Variants in CWC27 observed in about 807,000 individuals in gnomAD.
CWC27 encodes CWC27 spliceosome associated cyclophilin, also known as spliceosome-associated protein CWC27 homolog.
CWC27 carries 47 observed loss-of-function variants against 63.6 expected under a neutral mutation model. The observed-to-expected ratio is 0.74, with a 90% CI of 0.58 to 0.94. The LOEUF is 0.94. Ranked by LOEUF, CWC27 falls within the 40% of genes least tolerant of loss-of-function variation. The probability of loss-of-function intolerance (pLI) is 0.00; values close to 1 mark genes in which losing one functional copy is unlikely to be tolerated. For synonymous variants in CWC27, 175 were observed against 179.8 expected, an observed-to-expected ratio of 0.97 and a Z score of 0.22; for missense variants, 495 against 554.3, an observed-to-expected ratio of 0.89 and a Z score of 1.07.
chr5:64,893,583 C>CA (rs1747294758), intron 11 of CWC27, among the ~76,000 whole-genome samples: 1 of 129,088 alleles, frequency 7.7e-6, no homozygotes. Context: ...ACACAAAACT[C>CA]AGATAATCCC....
At chr5:64,961,975 T>C (rs1235109077) in intron 11 of CWC27, among the ~76,000 whole-genome samples, 1 of 152,236 alleles carries the variant, frequency 6.6e-6, no homozygotes, top group African/African-American at 2.4e-5. Flanking sequence ...GTCATTATAA[T>C]GCATCATTAT....
chr5:64,792,515 T>C (rs1744120099), intron 7 of CWC27, among the ~76,000 whole-genome samples: 1 of 152,188 alleles, frequency 6.6e-6, no homozygotes, highest in Admixed American at 6.6e-5. Flanking sequence ...TTTCTAAATG[T>C]CTTTTCCAGC....
intron 11 of CWC27, among the ~76,000 whole-genome samples, chr5:64,927,274 A>G (rs1417856369): frequency 6.6e-6 from 1 of 152,216 alleles, no homozygotes; most frequent in Non-Finnish European, 1.5e-5. Context: ...ATAAGTATAC[A>G]TTACATTACT....
chr5:64,780,553 A>T (rs571364431), intron 2 of CWC27, among the ~76,000 whole-genome samples: 1 of 148,312 alleles, frequency 6.7e-6, no homozygotes, highest in African/African-American at 2.4e-5. Flanking sequence ...TAATTTATAT[A>T]TCAAACAATA....
intron 10 of CWC27, among the ~76,000 whole-genome samples, chr5:64,829,028 A>G (rs16875150): frequency 0.35 from 53,568 of 151,982 alleles, 9,890 homozygotes; most frequent in East Asian, 0.51. Context: ...GATCATGCAA[A>G]TGATAATATC....
At chr5:64,834,095 T>C (rs1580655845) in intron 10 of CWC27, among the ~76,000 whole-genome samples, 1 of 151,126 alleles carries the variant, frequency 6.6e-6, no homozygotes, top group African/African-American at 2.4e-5. Flanking sequence ...CCCCTCGCTT[T>C]TTTTTTTTAA....
Position 64,786,574 on chromosome 5 carries a change from G to A in CWC27, c.546G>A (p.Leu182=), listed in dbSNP as rs1434818483. The A allele has an allele frequency of 6.3e-7, 1 of 1,591,612 alleles. No individual in the cohort carries two copies. The highest frequency in any genetic ancestry group is 8.5e-7 in the Non-Finnish European group (1 of 1,170,708). The change falls in exon 6 of 14, where the codon CTG becomes CTA. Residue 182 remains leucine, a synonymous_variant. Transcript: ENST00000381070. ...DDIIPREIKR[L]KKEKPEEEVK... is the part of the protein sequence containing the mutation. The stretch of plus-strand genomic sequence containing the variant: ...TCATTCCAAGGGAAATTAAAAGGCT[G>A]AAAAAAGAGAAACCAGAGGAGGAAG...
intron 7 of CWC27, among the ~76,000 whole-genome samples, chr5:64,793,941 C>G (rs886994438): frequency 4.3e-4 from 65 of 152,210 alleles, no homozygotes; most frequent in African/African-American, 1.4e-3. Context: ...CACCCCTTCA[C>G]CCCACTCACT....
chr5:64,844,969 A>G (rs538808439), intron 10 of CWC27: 8 of 456,620 alleles, frequency 1.8e-5, no homozygotes, highest in Non-Finnish European at 3.5e-5. Context: ...GCCCGGCCCA[A>G]CTGCAGATCT....
chr5:64,933,495 C>CT (rs763750959), intron 11 of CWC27, among the ~76,000 whole-genome samples: 2,590 of 138,470 alleles, frequency 0.019, 49 homozygotes, highest in African/African-American at 0.046. Context: ...TTTTCTTTCT[C>CT]TTTTTTTTTT....
At chr5:64,769,818 C>A (rs773044184) in intron 1 of CWC27, among the ~76,000 whole-genome samples, 1 of 152,084 alleles carries the variant, frequency 6.6e-6, no homozygotes, top group African/African-American at 2.4e-5. Flanking sequence ...GACTGTCAGT[C>A]AGAGAAAGTG....
At chr5:64,785,676 T>C in intron 5 of CWC27, 97 bp downstream of exon 5, 1 of 674,876 alleles carries the variant, frequency 1.5e-6, no homozygotes, top group Non-Finnish European at 2.5e-6. Context: ...GGCTTTATAC[T>C]ATGTTAACAT....
intron 11 of CWC27, among the ~76,000 whole-genome samples, chr5:64,945,096 A>G (rs1264313193): frequency 2.0e-5 from 3 of 151,968 alleles, no homozygotes; most frequent in African/African-American, 7.3e-5. Flanking sequence ...CCTTTTCTGG[A>G]CTGTGGTTCC....
At chr5:64,973,283 T>C (rs568192155) in intron 12 of CWC27, among the ~76,000 whole-genome samples, 32 of 152,344 alleles carry the variant, frequency 2.1e-4, no homozygotes, top group African/African-American at 7.7e-4. Flanking sequence ...GGAAGTGATA[T>C]GATCTCACTT....
chr5:64,772,337 A>T (rs1389833234), intron 1 of CWC27, among the ~76,000 whole-genome samples: 1 of 152,156 alleles, frequency 6.6e-6, no homozygotes, highest in Non-Finnish European at 1.5e-5. Flanking sequence ...ATATATAAAA[A>T]GATGATGACT....
At chr5:64,967,862 G>A (rs1749047916) in intron 11 of CWC27, among the ~76,000 whole-genome samples, 1 of 151,856 alleles carries the variant, frequency 6.6e-6, no homozygotes, top group South Asian at 2.1e-4. Flanking sequence ...AGGAAAATAA[G>A]GATTTTTTAG....
At chr5:64,809,821 C>G (rs891427259) in intron 10 of CWC27, among the ~76,000 whole-genome samples, 1 of 152,084 alleles carries the variant, frequency 6.6e-6, no homozygotes, top group Non-Finnish European at 1.5e-5. Context: ...GTATGATTTG[C>G]GAATATTTTC....
chr5:64,782,446 T>TTAAATAAATAAATAAA (rs1237559353), intron 3 of CWC27, among the ~76,000 whole-genome samples: 3 of 13,808 alleles, frequency 2.2e-4, no homozygotes, highest in Non-Finnish European at 3.8e-4. Context: ...AGACTCCGTC[T>TTAAATAAATAAATAAA]CAAATAAATA....
intron 11 of CWC27, among the ~76,000 whole-genome samples, chr5:64,967,492 A>G (rs1749040396): frequency 6.6e-6 from 1 of 152,006 alleles, no homozygotes; most frequent in Non-Finnish European, 1.5e-5. Flanking sequence ...AAAGAAGACA[A>G]AGTTAGAGGG....
Sources: gnomAD v4.1 joint callset for allele counts (sites outside exome capture counted in the v4.1 genomes callset) on GRCh38, gnomAD v4.1.1 for gene constraint, MANE v1.5 for transcripts, NCBI Gene and HGNC (gene_info 2026-07-23, HGNC 2026-07-21) for gene names.